TMPRSS6: variants seen among roughly 807,000 people sequenced by gnomAD.
The protein encoded by TMPRSS6 is transmembrane serine protease 6, also known as transmembrane protease serine 6.
TMPRSS6 carries 67 observed loss-of-function variants against 101.5 expected under a neutral mutation model. That is an observed-to-expected ratio of 0.66 (90% CI 0.54 to 0.81). TMPRSS6 has a LOEUF of 0.81. Ranked by LOEUF, TMPRSS6 falls within the 30% of genes least tolerant of loss-of-function variation. The pLI is 0.00. For missense variants in TMPRSS6, 1,034 were observed against 1,088.7 expected, an observed-to-expected ratio of 0.95 and a Z score of 0.71; for synonymous variants, 453 against 464.9, an observed-to-expected ratio of 0.97 and a Z score of 0.33.
intron 7 of TMPRSS6, among the ~76,000 whole-genome samples, chr22:37,088,445 C>G (rs1928961035): frequency 6.6e-6 from 1 of 152,202 alleles, no homozygotes; most frequent in African/African-American, 2.4e-5. Flanking sequence ...AGCCTGACGC[C>G]CAGCACAAAG....
intron 6 of TMPRSS6, among the ~76,000 whole-genome samples, chr22:37,091,238 G>C (rs1302274631): frequency 4.6e-5 from 7 of 152,216 alleles, no homozygotes; most frequent in Admixed American, 3.9e-4. Context: ...GTTCTTCCAG[G>C]AGCCAGTGGG....
chr22:37,086,369 C>T lies in TMPRSS6; in HGVS notation c.887G>A (p.Gly296Glu), dbSNP rs755334877. 2 of 1,611,388 alleles carry T rather than the reference C, an allele frequency of 1.2e-6. No individual in the cohort carries two copies. The highest frequency in any genetic ancestry group is 1.1e-5 in the South Asian group (1 of 90,672). ...QEPVVEVLAS[G>E]AIMAVVWKKG... ...CTTCCAGACGACCGCCATGATGGCC[C>T]CCGACGCCAGAACCTCCACCACGGG... The change falls in exon 8 of 18, where the codon GGG becomes GAG. Residue 296 changes from glycine to glutamate, a missense_variant. Transcript: ENST00000676104.
At chr22:37,094,802 T>C (rs1404564670) in intron 6 of TMPRSS6, among the ~76,000 whole-genome samples, 1 of 152,124 alleles carries the variant, frequency 6.6e-6, no homozygotes, top group Non-Finnish European at 1.5e-5. Flanking sequence ...AAACTCTGCC[T>C]CCCTCCCTGA....
At chr22:37,076,923 C>T (rs1233942067) in intron 10 of TMPRSS6, among the ~76,000 whole-genome samples, 1 of 152,264 alleles carries the variant, frequency 6.6e-6, no homozygotes, top group Non-Finnish European at 1.5e-5. Context: ...GGACATCCCA[C>T]AGCAAATCCA....
rs1332171646 is a variant in TMPRSS6 at position 37,098,550 on chromosome 22, C to T, written c.203-1G>A. 6.2e-7 allele frequency: 1 copy of T among 1,614,162 alleles called. No individual in the cohort carries two copies. The highest frequency in any genetic ancestry group is 8.5e-7 in the Non-Finnish European group (1 of 1,180,004). ...CTGACCATCACCTCCGCCTTGTACC[C>T]TGCCCAGGAAGGAACCAGCAGGGTT... On this transcript the variant is annotated splice_acceptor_variant, in intron 2 of 17. Transcript: ENST00000676104. LOFTEE classifies it high-confidence loss of function.
chr22:37,107,828 T>A (rs1205006876), intron 1 of TMPRSS6, among the ~76,000 whole-genome samples: 1 of 152,160 alleles, frequency 6.6e-6, no homozygotes, highest in African/African-American at 2.4e-5. Flanking sequence ...CCCTGGGCAC[T>A]CCCGTCTCTC....
chr22:37,087,594 C>A (rs547553305), intron 7 of TMPRSS6, among the ~76,000 whole-genome samples: 2 of 151,558 alleles, frequency 1.3e-5, no homozygotes, highest in South Asian at 4.2e-4. Context: ...ACCCCCCTCA[C>A]CCCCCAGGCC....
rs760760915 is a variant in TMPRSS6, at chr22:37,086,321, T to C, written c.935A>G (p.Asp312Gly). 1 of 1,613,384 alleles carries C rather than the reference T, an allele frequency of 6.2e-7. No individual in the cohort carries two copies. Among genetic ancestry groups the C allele is most frequent in the East Asian group, 2.2e-5 (1 of 44,810 alleles). Residue 312 changes from aspartate (D) to glycine (G), a missense_variant, in exon 8 of 18, where the codon GAC becomes GGC. Coordinates refer to ENST00000676104, the MANE Select transcript of TMPRSS6 (RefSeq NM_001374504.1). Reference protein sequence around the residue: ...VWKKGLHSYYDPFVLSVQPVV... With the variant: ...VWKKGLHSYYGPFVLSVQPVV... ...CGGCTGCACGGAGAGCACGAAGGGGTCGTAGTAGCTGTGCAGGCCCTTCTT... is the reference window on the plus strand; with the variant it reads ...CGGCTGCACGGAGAGCACGAAGGGGCCGTAGTAGCTGTGCAGGCCCTTCTT...
At position 37,066,041 on chromosome 22, in the gene TMPRSS6, G is replaced by A; in HGVS notation, c.*39C>T. 1 of 1,612,946 alleles carries A rather than the reference G, an allele frequency of 6.2e-7. No individual in the cohort carries two copies. The highest frequency in any genetic ancestry group is 8.5e-7 in the Non-Finnish European group (1 of 1,179,866). On this transcript the variant is annotated 3_prime_UTR_variant, in exon 18 of 18. Coordinates refer to ENST00000676104, the MANE Select transcript of TMPRSS6 (RefSeq NM_001374504.1). ...TTGGCAGTTGCCCTGGGCTCTCTGA[G>A]TCCAGGAGGTGGGCCCTGCTTTGCA...
intron 1 of TMPRSS6, among the ~76,000 whole-genome samples, chr22:37,107,726 C>T (rs1485033297): frequency 6.6e-6 from 1 of 152,170 alleles, no homozygotes; most frequent in Non-Finnish European, 1.5e-5. Flanking sequence ...TTGCTCCTTG[C>T]TGGGCCTGGG....
At chr22:37,094,456 G>A (rs541105110) in intron 6 of TMPRSS6, among the ~76,000 whole-genome samples, 36 of 152,020 alleles carry the variant, frequency 2.4e-4, no homozygotes, top group Non-Finnish European at 4.4e-4. Flanking sequence ...TAGCTAGACA[G>A]ACAGAGACAG....
rs756560405 is a variant in TMPRSS6 at position 37,086,359 on chromosome 22, C to T, written c.897G>A (p.Met299Ile). Residue 299 changes from methionine (M) to isoleucine (I), a missense_variant, in exon 8 of 18, where the codon ATG (methionine) becomes ATA (isoleucine). Physicochemically the swap from Met to Ile is conservative, Grantham distance 10. Transcript: ENST00000676104. ...GCAGGCCCTTCTTCCAGACGACCGC[C>T]ATGATGGCCCCCGACGCCAGAACCT... The part of the protein sequence containing the change: ...VVEVLASGAI[M>I]AVVWKKGLHS... The T allele has an allele frequency of 3.1e-6, 5 of 1,613,080 alleles. No homozygotes were observed. The South Asian group carries it at 5.5e-5, about 18-fold the overall frequency.
chr22:37,103,706 G>A lies in TMPRSS6; in HGVS notation c.-1-288C>T. On this transcript the variant is annotated intron_variant, in intron 1 of 17. Coordinates refer to ENST00000676104, the MANE Select transcript of TMPRSS6 (RefSeq NM_001374504.1). The surrounding 1 kb of genome is among the most constrained non-coding windows in gnomAD (Gnocchi z 4.4). The stretch of plus-strand genomic sequence containing the variant: ...CCCTATGGTCAGAGGACAGACGGAG[G>A]TCTCAGTACCTAAACACCCACCTCC... 1.0e-6 allele frequency: 1 copy of A among 960,510 alleles called. No individual in the cohort carries two copies. The highest frequency in any genetic ancestry group is 1.6e-5 in the African/African-American group (1 of 62,296). The allele number at this position is 960,510 out of a possible 1,614,324, so 59.5% of individuals were successfully genotyped here.
chr22:37,078,144 G>A (rs1450016605), intron 10 of TMPRSS6, among the ~76,000 whole-genome samples: 2 of 152,036 alleles, frequency 1.3e-5, no homozygotes, highest in African/African-American at 4.8e-5. Flanking sequence ...CGGGGAATGA[G>A]GAGTCAAGCG....
chr22:37,095,862 C>T (rs776820097), intron 5 of TMPRSS6, 44 bp downstream of exon 5: 9 of 1,611,010 alleles, frequency 5.6e-6, no homozygotes, highest in Non-Finnish European at 7.6e-6. Context: ...TTGTTTCCCC[C>T]AACCTCATGA....
intron 3 of TMPRSS6, among the ~76,000 whole-genome samples, chr22:37,097,065 G>T (rs1035053766): frequency 6.7e-6 from 1 of 148,768 alleles, no homozygotes; most frequent in Non-Finnish European, 1.5e-5. Context: ...CAAGCCAGCA[G>T]CTCTGATGGG....
chr22:37,108,216 T>C (rs545907471), intron 1 of TMPRSS6, among the ~76,000 whole-genome samples: 1 of 152,168 alleles, frequency 6.6e-6, no homozygotes, highest in African/African-American at 2.4e-5. Context: ...GCCCTGTCAG[T>C]GCTTGTTCAC....
intron 7 of TMPRSS6, among the ~76,000 whole-genome samples, chr22:37,088,314 A>G (rs988604288): frequency 5.9e-5 from 9 of 152,176 alleles, no homozygotes; most frequent in African/African-American, 2.2e-4. Flanking sequence ...GCCCTGGGGG[A>G]GGGGTGTGGC....
At chr22:37,083,990 G>T in intron 10 of TMPRSS6, 1 of 556,238 alleles carries the variant, frequency 1.8e-6, no homozygotes, top group East Asian at 2.8e-5. Flanking sequence ...GCCAGAGGGG[G>T]TTACAGCACC....
Sources: allele counts gnomAD v4.1 joint callset (sites outside exome capture counted in the v4.1 genomes callset), GRCh38; gene constraint gnomAD v4.1.1; non-coding constraint Gnocchi (gnomAD v3.1); transcripts MANE v1.5; gene names NCBI Gene and HGNC (gene_info 2026-07-23, HGNC 2026-07-21).